The following KSR2 variants were observed in gnomAD, a reference collection of about 807,000 sequenced individuals.
The protein encoded by KSR2 is kinase suppressor of ras 2.
KSR2 carries 25 observed loss-of-function variants against 107.8 expected under a neutral mutation model. That is an observed-to-expected ratio of 0.23 (90% CI 0.17 to 0.32). The LOEUF (loss-of-function observed/expected upper bound fraction) is 0.32, where lower values mean the gene tolerates loss of function less well. KSR2 is among the 10% of genes least tolerant of loss of function. The pLI is 1.00. For missense variants in KSR2, 887 were observed against 1,268.9 expected, an observed-to-expected ratio of 0.70 and a Z score of 4.57; for synonymous variants, 480 against 507.0, an observed-to-expected ratio of 0.95 and a Z score of 0.71.
chr12:117,924,874 T>C (rs1413724606), intron 1 of KSR2, among the ~76,000 whole-genome samples: 1 of 152,162 alleles, frequency 6.6e-6, no homozygotes, highest in Non-Finnish European at 1.5e-5. Flanking sequence ...TTAAATGATA[T>C]TGACAAATTA....
intron 5 of KSR2, among the ~76,000 whole-genome samples, chr12:117,665,470 G>A (rs1436112227): frequency 6.6e-6 from 1 of 152,176 alleles, no homozygotes; most frequent in African/African-American, 2.4e-5. Context: ...ATAGGATGGC[G>A]ATGACCAAGG....
At chr12:117,883,729 AGCTGGATGTG>A (rs1171708966) in intron 1 of KSR2, among the ~76,000 whole-genome samples, 1 of 152,120 alleles carries the variant, frequency 6.6e-6, no homozygotes, top group Non-Finnish European at 1.5e-5. Flanking sequence ...TACAAAAATT[AGCTGGATGTG>A]GTGGCAGGCA....
In KSR2 at chr12:117,475,299, C is replaced by T. The variant is rs752494031; in HGVS notation, c.2582+1165G>A. On this transcript the variant is annotated intron_variant, in intron 17 of 19. Coordinates refer to ENST00000339824, the MANE Select transcript of KSR2 (RefSeq NM_173598.6). ...ACCTTTAAGTCCTTGCAGGATTGAC[C>T]GTGCTTCCCTCTCTAGTCTCTTATC... Among the ~76,000 whole-genome samples, 3 of 152,116 alleles carry T rather than the reference C, an allele frequency of 2.0e-5. No individual in the cohort carries two copies. The East Asian group carries it at 5.8e-4, about 29-fold the overall frequency.
intron 3 of KSR2, among the ~76,000 whole-genome samples, chr12:117,830,740 T>C (rs147007434): frequency 2.6e-4 from 39 of 152,278 alleles, no homozygotes; most frequent in African/African-American, 8.4e-4. Flanking sequence ...CCGATTCCTC[T>C]AAAAAGACAG....
chr12:117,682,601 G>A (rs981163203), intron 4 of KSR2, among the ~76,000 whole-genome samples: 2 of 152,040 alleles, frequency 1.3e-5, no homozygotes, highest in Admixed American at 1.3e-4. Flanking sequence ...CATATTTTTA[G>A]TGAGACGGGG....
chr12:117,699,873 T>C (rs1215958959), intron 4 of KSR2, among the ~76,000 whole-genome samples: 5 of 152,100 alleles, frequency 3.3e-5, no homozygotes, highest in Non-Finnish European at 4.4e-5. Flanking sequence ...CATTATAATC[T>C]TTTTTGATTT....
intron 3 of KSR2, among the ~76,000 whole-genome samples, chr12:117,808,848 T>C (rs1240743587): frequency 2.0e-5 from 3 of 152,188 alleles, no homozygotes; most frequent in African/African-American, 7.2e-5. Context: ...GTTAGAGTTC[T>C]GGCCAATGGA....
At chr12:117,882,400 GTC>G (rs1894053023) in intron 1 of KSR2, among the ~76,000 whole-genome samples, 1 of 152,188 alleles carries the variant, frequency 6.6e-6, no homozygotes, top group Admixed American at 6.5e-5. Context: ...GCAGAGATGA[GTC>G]ACATTTGGAT....
In KSR2 at chr12:117,835,966, T is replaced by C. The variant is rs529465575; in HGVS notation, c.472+19462A>G. 1.2e-3 allele frequency among the ~76,000 whole-genome samples: 186 copies of C among 152,092 alleles called. 1 individual carries two copies. Among genetic ancestry groups the C allele is most frequent in the African/African-American group, 4.1e-3 (169 of 41,500 alleles). On this transcript the variant is annotated intron_variant, in intron 3 of 19. Coordinates refer to ENST00000339824, the MANE Select transcript of KSR2 (RefSeq NM_173598.6). ...CCTACCCTACAGCCTCCAGACAGTCTGCAGTTAGGAAGTACCCTCCGTAAA... is the reference window on the plus strand; with the variant it reads ...CCTACCCTACAGCCTCCAGACAGTCCGCAGTTAGGAAGTACCCTCCGTAAA...
At chr12:117,899,456 G>A (rs567554768) in intron 1 of KSR2, among the ~76,000 whole-genome samples, 4 of 152,196 alleles carry the variant, frequency 2.6e-5, no homozygotes, top group South Asian at 2.1e-4. Context: ...TCATGCCACT[G>A]CACTCCAACC....
intron 1 of KSR2, among the ~76,000 whole-genome samples, chr12:117,950,768 A>G (rs980445265): frequency 2.7e-5 from 4 of 148,610 alleles, no homozygotes; most frequent in South Asian, 4.2e-4. Context: ...TAATAATAAT[A>G]ATGATAATAA....
At chr12:117,939,049 A>G (rs1271329229) in intron 1 of KSR2, among the ~76,000 whole-genome samples, 1 of 152,168 alleles carries the variant, frequency 6.6e-6, no homozygotes, top group Non-Finnish European at 1.5e-5. Flanking sequence ...GACTGAAGAC[A>G]GCGTGTAAGA....
At chr12:117,477,232 T>A (rs1366854765) in intron 16 of KSR2, among the ~76,000 whole-genome samples, 1 of 152,166 alleles carries the variant, frequency 6.6e-6, no homozygotes, top group Non-Finnish European at 1.5e-5. Flanking sequence ...AGGCAGAACA[T>A]CCTCCTGTTT....
At chr12:117,670,895 T>C (rs537439914) in intron 4 of KSR2, among the ~76,000 whole-genome samples, 1 of 152,266 alleles carries the variant, frequency 6.6e-6, no homozygotes, top group African/African-American at 2.4e-5. Context: ...ACATACTCCA[T>C]GGTCCAGTTC....
chr12:117,723,745 G>A (rs747950514), intron 4 of KSR2, among the ~76,000 whole-genome samples: 20 of 151,860 alleles, frequency 1.3e-4, no homozygotes, highest in Non-Finnish European at 2.8e-4. Flanking sequence ...GAAAGTTGGG[G>A]GGAGGATACA....
At chr12:117,664,179 G>C (rs1453039287) in intron 5 of KSR2, among the ~76,000 whole-genome samples, 1 of 152,172 alleles carries the variant, frequency 6.6e-6, no homozygotes, top group Non-Finnish European at 1.5e-5. Flanking sequence ...CCCAGGCCAG[G>C]GGAGTAGGGT....
At chr12:117,887,674 G>T (rs548437385) in intron 1 of KSR2, among the ~76,000 whole-genome samples, 9 of 152,328 alleles carry the variant, frequency 5.9e-5, no homozygotes, top group African/African-American at 2.2e-4. Context: ...TGCCAGGGTT[G>T]CTTCACTCAG....
intron 16 of KSR2, among the ~76,000 whole-genome samples, chr12:117,481,449 C>T (rs561548218): frequency 4.6e-5 from 7 of 152,210 alleles, no homozygotes; most frequent in African/African-American, 1.2e-4. Context: ...CTCTCTCTTT[C>T]GGTGCACAGA....
intron 4 of KSR2, among the ~76,000 whole-genome samples, chr12:117,747,274 C>T (rs548909366): frequency 1.3e-5 from 2 of 152,156 alleles, no homozygotes; most frequent in African/African-American, 2.4e-5. Context: ...GAGATCATGT[C>T]CTTTGCAGGG....
Sources: allele counts gnomAD v4.1 joint callset (sites outside exome capture counted in the v4.1 genomes callset), GRCh38; gene constraint gnomAD v4.1.1; transcripts MANE v1.5; gene names NCBI Gene and HGNC (gene_info 2026-07-23, HGNC 2026-07-21).